GSE1: variants seen among roughly 807,000 people sequenced by gnomAD.
GSE1 encodes the protein genetic suppressor element 1.
A neutral mutation model predicts 112.6 loss-of-function variants in GSE1; 32 were observed. The ratio of observed to expected loss-of-function variants is 0.28; its 90% CI spans 0.21 to 0.38. The LOEUF is 0.38. GSE1 is among the 10% of genes least tolerant of loss of function. The pLI is 1.00. For synonymous variants in GSE1, 1,115 were observed against 735.6 expected (o/e 1.52, Z -8.35); for missense variants, 2,348 against 1,699.2 (o/e 1.38, Z -6.71).
intron 1 of GSE1, among the ~76,000 whole-genome samples, chr16:85,175,764 C>T (rs183594084): frequency 6.6e-6 from 1 of 152,306 alleles, no homozygotes; most frequent in Admixed American, 6.5e-5. Flanking sequence ...TCCCACCCTC[C>T]AGGAGGCGTG....
intron 2 of GSE1, among the ~76,000 whole-genome samples, chr16:85,450,537 C>G (rs184998982): frequency 6.6e-6 from 1 of 152,066 alleles, no homozygotes. Context: ...GCAGACTTCA[C>G]TCCCCAGGTT....
intron 1 of GSE1, among the ~76,000 whole-genome samples, chr16:85,218,143 C>A (rs1270015641): frequency 2.0e-5 from 3 of 152,148 alleles, no homozygotes; most frequent in Non-Finnish European, 2.9e-5. Context: ...CTCAAGTGAT[C>A]TGCCCACCTC....
At chr16:85,568,372 TAGTG>T (rs1015667971) in intron 1 of GSE1, among the ~76,000 whole-genome samples, 4 of 152,180 alleles carry the variant, frequency 2.6e-5, no homozygotes, top group Non-Finnish European at 5.9e-5. Context: ...CTGAAAATAA[TAGTG>T]AGGGTTGTCT....
At chr16:85,555,171 G>C, upstream of GSE1, 2 of 985,454 alleles carry the variant, frequency 2.0e-6, no homozygotes, top group South Asian at 9.4e-5. Flanking sequence ...CATTAGGGGA[G>C]ACAAATCTGC....
chr16:85,186,728 GC>G (rs2074710516), intron 1 of GSE1, among the ~76,000 whole-genome samples: 1 of 152,170 alleles, frequency 6.6e-6, no homozygotes, highest in African/African-American at 2.4e-5. Flanking sequence ...TCATGCCACT[GC>G]ACTCCAGCCT....
intron 2 of GSE1, among the ~76,000 whole-genome samples, chr16:85,442,441 G>GATGAATGAATGAATGAATGGATGA (rs2049399016): frequency 6.7e-6 from 1 of 150,356 alleles, no homozygotes; most frequent in East Asian, 2.0e-4. Flanking sequence ...TGAATGAATG[G>GATGAATGAATGAATGAATGGATGA]ATGAATGAAT....
chr16:85,321,577 A>T (rs531878454), intron 1 of GSE1, among the ~76,000 whole-genome samples: 1 of 152,198 alleles, frequency 6.6e-6, no homozygotes, highest in South Asian at 2.1e-4. Flanking sequence ...TTGAAGTGGC[A>T]GTGAGCCACG....
chr16:85,647,261 T>G (rs2050951992), intron 2 of GSE1, among the ~76,000 whole-genome samples: 1 of 151,978 alleles, frequency 6.6e-6, no homozygotes, highest in African/African-American at 2.4e-5. Context: ...CCCTGCACCC[T>G]CCCCCTGCTA....
At chr16:85,642,122 T>G (rs2050496528) in intron 2 of GSE1, among the ~76,000 whole-genome samples, 1 of 152,238 alleles carries the variant, frequency 6.6e-6, no homozygotes, top group South Asian at 2.1e-4. Context: ...CTGAGTCTCC[T>G]GCTGAGTGGA....
intron 2 of GSE1, among the ~76,000 whole-genome samples, chr16:85,383,053 A>ATG (rs2047593655): frequency 6.8e-6 from 1 of 147,600 alleles, no homozygotes; most frequent in African/African-American, 2.6e-5. Context: ...GTGTACATGC[A>ATG]TGTGCGCACA....
At chr16:85,668,573 C>G in intron 14 of GSE1, 149 bp downstream of exon 14, 1 of 632,692 alleles carries the variant, frequency 1.6e-6, no homozygotes, top group South Asian at 2.0e-5. Context: ...GAAGTTTCTT[C>G]CGGCTTCTGG....
chr16:85,510,463 G>A (rs942209354), intron 2 of GSE1, among the ~76,000 whole-genome samples: 17 of 103,694 alleles, frequency 1.6e-4, no homozygotes, highest in African/African-American at 5.4e-4. Flanking sequence ...TGTGGCCTGC[G>A]TGCACCCGCC....
intron 2 of GSE1, among the ~76,000 whole-genome samples, chr16:85,431,306 T>G (rs2049115582): frequency 6.6e-6 from 1 of 152,242 alleles, no homozygotes; most frequent in African/African-American, 2.4e-5. Flanking sequence ...GGGAGCTCGC[T>G]CAGGCCCAGC....
At position 85,634,232 on chromosome 16, in the gene GSE1, C is replaced by T. The variant is rs1598471529; in HGVS notation, c.226+100C>T. On this transcript the variant is annotated intron_variant, in intron 2 of 15. Coordinates refer to ENST00000253458, the MANE Select transcript of GSE1 (RefSeq NM_014615.5). ...CGTGCACGCTCACAGCAGGTCTCGT[C>T]TTTCCCACGCCGTGTGCTCTGCATG... The T allele has an allele frequency of 8.6e-6, 7 of 813,084 alleles. No homozygotes were observed. In the East Asian group the frequency reaches 1.7e-4, roughly 19 times the overall value. The allele number at this position is 813,084 out of a possible 1,614,324, so 50.4% of individuals were successfully genotyped here.
At chr16:85,499,628 C>T (rs1319041030) in intron 2 of GSE1, among the ~76,000 whole-genome samples, 4 of 152,114 alleles carry the variant, frequency 2.6e-5, no homozygotes, top group African/African-American at 9.7e-5. Flanking sequence ...TAAGAATGCA[C>T]CTCAGCGTGA....
upstream of GSE1, chr16:85,555,446 C>T (rs2045155574): frequency 2.0e-6 from 2 of 983,598 alleles, no homozygotes; most frequent in Non-Finnish European, 2.4e-6. Context: ...GGCTCCCCAG[C>T]CTGCTTTCTC....
Position 85,663,107 on chromosome 16 carries a change from C to A in GSE1, c.2373+14C>A. Reference sequence around the variant, plus strand: ...ACGTCCTCTGAGGTACTGGGCTCTCCTCCCCACGGACATGCTCTGGGCTGG... The same window carrying A: ...ACGTCCTCTGAGGTACTGGGCTCTCATCCCCACGGACATGCTCTGGGCTGG... On this transcript the variant is annotated intron_variant, in intron 10 of 15. Coordinates refer to ENST00000253458, the MANE Select transcript of GSE1 (RefSeq NM_014615.5). 6.5e-7 allele frequency: 1 copy of A among 1,544,538 alleles called. No individual in the cohort carries two copies. Among genetic ancestry groups the A allele is most frequent in the African/African-American group, 1.4e-5 (1 of 73,790 alleles).
intron 2 of GSE1, among the ~76,000 whole-genome samples, chr16:85,462,822 C>G (rs2050009313): frequency 2.1e-5 from 3 of 145,542 alleles, no homozygotes; most frequent in South Asian, 4.3e-4. Flanking sequence ...GGCCGGGGGG[C>G]GGCGTGAGCG....
intron 1 of GSE1, among the ~76,000 whole-genome samples, chr16:85,305,163 A>G (rs900904660): frequency 6.6e-6 from 1 of 152,120 alleles, no homozygotes; most frequent in African/African-American, 2.4e-5. Flanking sequence ...CACCCCCATG[A>G]CTGGAGCAGG....
Sources: allele counts gnomAD v4.1 joint callset (sites outside exome capture counted in the v4.1 genomes callset), GRCh38; gene constraint gnomAD v4.1.1; transcripts MANE v1.5; gene names NCBI Gene and HGNC (gene_info 2026-07-23, HGNC 2026-07-21).